The following GNG12 variants were observed in gnomAD, a reference collection of about 807,000 sequenced individuals.
GNG12 encodes guanine nucleotide-binding protein G(I)/G(S)/G(O) subunit gamma-12.
For missense variants in GNG12, 69 were observed against 83.8 expected, an observed-to-expected ratio of 0.82 and a Z score of 0.69; for synonymous variants, 28 against 29.7, an observed-to-expected ratio of 0.94 and a Z score of 0.19.
At chr1:67,755,517 C>T (rs1646562851) in intron 2 of GNG12, among the ~76,000 whole-genome samples, 1 of 152,228 alleles carries the variant, frequency 6.6e-6, no homozygotes, top group African/African-American at 2.4e-5. Context: ...GAAGAGCCAG[C>T]ATCGTCTTCC....
intron 2 of GNG12, among the ~76,000 whole-genome samples, chr1:67,734,500 A>G (rs1442927359): frequency 6.6e-6 from 1 of 152,172 alleles, no homozygotes; most frequent in Non-Finnish European, 1.5e-5. Context: ...TATTTTCCCC[A>G]CTACACAGAT....
At chr1:67,827,671 C>T (rs1353310027) in intron 1 of GNG12, among the ~76,000 whole-genome samples, 2 of 143,458 alleles carry the variant, frequency 1.4e-5, no homozygotes, top group African/African-American at 2.7e-5. Flanking sequence ...GTGATCCACC[C>T]GCCTCGGCCT....
intron 2 of GNG12, among the ~76,000 whole-genome samples, chr1:67,750,815 T>C (rs777157304): frequency 4.0e-4 from 61 of 152,324 alleles, no homozygotes; most frequent in Non-Finnish European, 7.1e-4. Flanking sequence ...TGCCAGTATA[T>C]GTGCAGGATA....
At chr1:67,827,111 TCACTC>T (rs1350169523) in intron 1 of GNG12, among the ~76,000 whole-genome samples, 1 of 152,246 alleles carries the variant, frequency 6.6e-6, no homozygotes, top group Non-Finnish European at 1.5e-5. Flanking sequence ...GATTCAGACT[TCACTC>T]CAGTGAGCAT....
At chr1:67,778,549 T>C (rs1218462229) in intron 1 of GNG12, among the ~76,000 whole-genome samples, 3 of 152,230 alleles carry the variant, frequency 2.0e-5, no homozygotes, top group African/African-American at 7.2e-5. Flanking sequence ...AATACTTATA[T>C]ATAGCACTTA....
chr1:67,772,856 A>C (rs1646682836), intron 2 of GNG12, among the ~76,000 whole-genome samples: 1 of 152,238 alleles, frequency 6.6e-6, no homozygotes, highest in South Asian at 2.1e-4. Flanking sequence ...GAAGTATGGC[A>C]AAAGAGGCAC....
intron 1 of GNG12, among the ~76,000 whole-genome samples, chr1:67,829,434 G>C (rs1244685599): frequency 6.6e-6 from 1 of 152,152 alleles, no homozygotes; most frequent in Admixed American, 6.5e-5. Flanking sequence ...TATTTGGCAG[G>C]ACTATTTAAA....
chr1:67,722,489 G>A (rs1020512903), intron 2 of GNG12, among the ~76,000 whole-genome samples: 1 of 152,010 alleles, frequency 6.6e-6, no homozygotes, highest in Non-Finnish European at 1.5e-5. Flanking sequence ...AGTAAAACAT[G>A]CCAAAGGCAA....
At chr1:67,795,275 G>A (rs1305521187) in intron 1 of GNG12, among the ~76,000 whole-genome samples, 1 of 152,120 alleles carries the variant, frequency 6.6e-6, no homozygotes, top group East Asian at 1.9e-4. Context: ...GACATTTGAT[G>A]TACCCAGACC....
intron 1 of GNG12, among the ~76,000 whole-genome samples, chr1:67,825,263 A>G (rs2246675): frequency 0.29 from 44,040 of 152,120 alleles, 6,514 homozygotes; most frequent in Admixed American, 0.35. Context: ...GTCTGAAGAT[A>G]GCTGCATTTA....
intron 2 of GNG12, among the ~76,000 whole-genome samples, chr1:67,709,735 C>T (rs1270882091): frequency 6.8e-6 from 1 of 146,818 alleles, no homozygotes; most frequent in African/African-American, 2.5e-5. Flanking sequence ...ACTAACAGAG[C>T]CTCTGAAATG....
At chr1:67,736,162 GAGA>G (rs373809367) in intron 2 of GNG12, among the ~76,000 whole-genome samples, 35 of 152,186 alleles carry the variant, frequency 2.3e-4, no homozygotes, top group African/African-American at 8.2e-4. Context: ...GGAACTGTGG[GAGA>G]AGAACTAGGA....
chr1:67,817,524 C>A (rs1646959738), intron 1 of GNG12, among the ~76,000 whole-genome samples: 1 of 152,136 alleles, frequency 6.6e-6, no homozygotes, highest in African/African-American at 2.4e-5. Flanking sequence ...TAACTATGAC[C>A]CCATTCCTGA....
chr1:67,747,774 C>A (rs1646515571), intron 2 of GNG12, among the ~76,000 whole-genome samples: 1 of 152,242 alleles, frequency 6.6e-6, no homozygotes, highest in South Asian at 2.1e-4. Flanking sequence ...TGGGTAGCAT[C>A]ATGTGTGGAC....
intron 1 of GNG12, among the ~76,000 whole-genome samples, chr1:67,780,560 CA>C (rs1164918213): frequency 1.3e-5 from 2 of 152,208 alleles, no homozygotes; most frequent in African/African-American, 4.8e-5. Context: ...AGTAAAGACA[CA>C]CACAGGAAAA....
chr1:67,768,938 T>G (rs905668727), intron 2 of GNG12, among the ~76,000 whole-genome samples: 1 of 152,250 alleles, frequency 6.6e-6, no homozygotes, highest in Non-Finnish European at 1.5e-5. Context: ...AGTTGAGTTC[T>G]GCTATCTGAG....
chr1:67,819,087 C>T (rs556540770), intron 1 of GNG12, among the ~76,000 whole-genome samples: 2 of 152,206 alleles, frequency 1.3e-5, no homozygotes, highest in South Asian at 4.1e-4. Context: ...TAGGAAGCCA[C>T]AACAACAATC....
chr1:67,803,055 C>T (rs989689379), intron 1 of GNG12, among the ~76,000 whole-genome samples: 18 of 152,256 alleles, frequency 1.2e-4, no homozygotes, highest in African/African-American at 4.3e-4. Context: ...CGTGGGCATT[C>T]TCCTTGGAGG....
At chr1:67,709,782 T>C (rs1646270533) in intron 2 of GNG12, among the ~76,000 whole-genome samples, 1 of 142,136 alleles carries the variant, frequency 7.0e-6, no homozygotes, top group South Asian at 2.2e-4. Flanking sequence ...CTGAACAGTG[T>C]GCAGTGCTCT....
Sources: gnomAD v4.1 joint callset for allele counts (sites outside exome capture counted in the v4.1 genomes callset) on GRCh38, gnomAD v4.1.1 for gene constraint, MANE v1.5 for transcripts, NCBI Gene and HGNC (gene_info 2026-07-23, HGNC 2026-07-21) for gene names.